MRAP2: variants seen among roughly 807,000 people sequenced by gnomAD.
The protein encoded by MRAP2 is melanocortin-2 receptor accessory protein 2.
Under a neutral mutation model 17.4 loss-of-function variants are expected in MRAP2, and 20 were observed. The ratio of observed to expected loss-of-function variants is 1.15; its 90% confidence interval spans 0.81 to 1.67. MRAP2 has a LOEUF of 1.67. MRAP2 is among the 40% of genes most tolerant of loss of function. The pLI is 0.00. For missense variants in MRAP2, 238 were observed against 240.0 expected (o/e 0.99, Z 0.05); for synonymous variants, 96 against 88.4 (o/e 1.09, Z -0.48).
intron 3 of MRAP2, among the ~76,000 whole-genome samples, chr6:84,076,906 A>G (rs144064673): frequency 8.5e-5 from 13 of 152,294 alleles, no homozygotes; most frequent in African/African-American, 1.7e-4. Flanking sequence ...GAAGGAGTCT[A>G]TCCTTCTGTC....
At chr6:84,093,325 C>T (rs2099502105), downstream of MRAP2, among the ~76,000 whole-genome samples, 1 of 152,144 alleles carries the variant, frequency 6.6e-6, no homozygotes, top group Non-Finnish European at 1.5e-5. Context: ...ACTTGACTCA[C>T]CGAGGCACCA....
intron 3 of MRAP2, among the ~76,000 whole-genome samples, chr6:84,065,722 T>C (rs2099494501): frequency 6.6e-6 from 1 of 152,218 alleles, no homozygotes; most frequent in Admixed American, 6.5e-5. Context: ...TTTTATGTGT[T>C]AACAATTCTA....
chr6:84,093,892 G>T, downstream of MRAP2, among the ~76,000 whole-genome samples: 1 of 152,170 alleles, frequency 6.6e-6, no homozygotes, highest in East Asian at 1.9e-4. Context: ...CAGCTTCTTG[G>T]ATCTTCTTTT....
downstream of MRAP2, among the ~76,000 whole-genome samples, chr6:84,093,533 G>A (rs920904805): frequency 6.6e-6 from 1 of 151,164 alleles, no homozygotes; most frequent in Non-Finnish European, 1.5e-5. Context: ...AAGAGAAAGA[G>A]AAAGCTTTAT....
At chr6:84,131,529 C>T in the MRAP2 span, among the ~76,000 whole-genome samples, 8 of 152,260 alleles carry the variant, frequency 5.3e-5, no homozygotes, top group East Asian at 1.4e-3. Context: ...TCTGGGTGCT[C>T]CTGCATTGGG....
Position 84,089,530 on chromosome 6 carries a change from A to T in MRAP2, c.*49A>T. On this transcript the variant is annotated 3_prime_UTR_variant, in exon 4 of 4. Transcript: ENST00000257776. ...TCCTGAAGATGTGGATTCTATCTTT[A>T]TGTAGCAAGAAATCTACATCCACCA... is the stretch of plus-strand genomic sequence containing the variant. 1.9e-6 allele frequency: 3 copies of T among 1,556,294 alleles called. No homozygotes were observed. The highest frequency in any genetic ancestry group is 2.6e-6 in the Non-Finnish European group (3 of 1,150,484).
At chr6:84,078,559 C>CCA (rs1208329908) in intron 3 of MRAP2, among the ~76,000 whole-genome samples, 34 of 152,206 alleles carry the variant, frequency 2.2e-4, no homozygotes, top group African/African-American at 6.5e-4. Flanking sequence ...AATTTGATCC[C>CCA]GTGTGGCAGT....
chr6:84,137,068 G>A, the MRAP2 span, among the ~76,000 whole-genome samples: 1 of 152,194 alleles, frequency 6.6e-6, no homozygotes, highest in Non-Finnish European at 1.5e-5. Context: ...TGGAGCATGC[G>A]GCATCTAAAC....
the MRAP2 span, among the ~76,000 whole-genome samples, chr6:84,116,240 G>A: frequency 6.6e-6 from 1 of 152,122 alleles, no homozygotes; most frequent in Admixed American, 6.5e-5. Flanking sequence ...ATCTTGAATT[G>A]TAGCTCCTAC....
At chr6:84,124,780 C>G in the MRAP2 span, 1 of 362,800 alleles carries the variant, frequency 2.8e-6, no homozygotes. Flanking sequence ...GGAGTATGTT[C>G]AATTTTCTTT....
the MRAP2 span, among the ~76,000 whole-genome samples, chr6:84,107,406 C>A: frequency 1.2e-4 from 18 of 152,196 alleles, no homozygotes; most frequent in Admixed American, 4.6e-4. Context: ...GTAGAAGGAC[C>A]CAGAATTTTA....
chr6:84,057,801 A>G (rs1056543205), intron 2 of MRAP2, among the ~76,000 whole-genome samples: 4 of 152,208 alleles, frequency 2.6e-5, no homozygotes, highest in African/African-American at 9.6e-5. Context: ...TAAAAGGATA[A>G]ATAGAGTGGG....
intron 1 of MRAP2, among the ~76,000 whole-genome samples, chr6:84,036,664 G>C (rs1484420181): frequency 1.3e-5 from 2 of 152,058 alleles, no homozygotes; most frequent in Non-Finnish European, 1.5e-5. Context: ...AGTGTGGAAG[G>C]GGACCTGAGC....
At chr6:84,045,189 A>T in intron 1 of MRAP2, 1 of 985,254 alleles carries the variant, frequency 1.0e-6, no homozygotes, top group Non-Finnish European at 1.2e-6. Flanking sequence ...ACAGATGCTA[A>T]GGAATGACTT....
upstream of MRAP2, chr6:84,033,687 C>G (rs1456315643): frequency 1.0e-6 from 1 of 985,124 alleles, no homozygotes; most frequent in African/African-American, 1.7e-5. Flanking sequence ...GCGGCTCCCG[C>G]GCTGCAGCCC....
At chr6:84,145,070 T>TA in the MRAP2 span, among the ~76,000 whole-genome samples, 1 of 151,992 alleles carries the variant, frequency 6.6e-6, no homozygotes, top group East Asian at 1.9e-4. Flanking sequence ...TCGGACAACT[T>TA]AAAAAAATAC....
chr6:84,081,373 G>A (rs1175802136), intron 3 of MRAP2, among the ~76,000 whole-genome samples: 1 of 152,190 alleles, frequency 6.6e-6, no homozygotes, highest in East Asian at 1.9e-4. Context: ...TTGATTCTGT[G>A]TCCCTACCCA....
intron 1 of MRAP2, among the ~76,000 whole-genome samples, chr6:84,036,850 GT>G (rs1174904734): frequency 3.9e-5 from 6 of 152,238 alleles, no homozygotes; most frequent in Non-Finnish European, 8.8e-5. Flanking sequence ...TAGACACAGA[GT>G]GCTGATTGGT....
At chr6:84,064,634 C>CCG (rs1269690336) in intron 3 of MRAP2, among the ~76,000 whole-genome samples, 1 of 152,138 alleles carries the variant, frequency 6.6e-6, no homozygotes, top group Non-Finnish European at 1.5e-5. Context: ...ACTACAGGCA[C>CCG]CCACCACCAC....
Sources: allele counts gnomAD v4.1 joint callset (sites outside exome capture counted in the v4.1 genomes callset), GRCh38; gene constraint gnomAD v4.1.1; transcripts MANE v1.5; gene names NCBI Gene and HGNC (gene_info 2026-07-23, HGNC 2026-07-21).